The following TCF7L2 variants were observed in gnomAD, a reference collection of about 807,000 sequenced individuals.
TCF7L2 encodes the protein transcription factor 7 like 2, also known as transcription factor 7-like 2.
TCF7L2 carries 23 observed loss-of-function variants against 77.9 expected under a neutral mutation model. The observed-to-expected ratio is 0.30, with a 90% CI of 0.21 to 0.42. The LOEUF (loss-of-function observed/expected upper bound fraction) is 0.42. Among genes scored for constraint, TCF7L2 ranks in the 10% least tolerant of loss-of-function variants. The pLI, the probability that TCF7L2 is intolerant of heterozygous loss-of-function variation, is 1.00. For synonymous variants in TCF7L2, 413 were observed against 340.2 expected (o/e 1.21, Z -2.36); for missense variants, 654 against 793.1 (o/e 0.82, Z 2.11).
chr10:112,966,783 C>T (rs766249247), intron 4 of TCF7L2, among the ~76,000 whole-genome samples: 17 of 152,218 alleles, frequency 1.1e-4, no homozygotes, highest in Non-Finnish European at 2.1e-4. Flanking sequence ...GAAGCTCTTT[C>T]TCAGGAGGAA....
intron 3 of TCF7L2, 173 bp downstream of exon 3, chr10:112,951,780 T>C (rs899286574): frequency 9.6e-5 from 18 of 187,754 alleles, no homozygotes; most frequent in Non-Finnish European, 1.4e-4. Context: ...CTCCAAACTT[T>C]TCTGCCTTTT....
In TCF7L2 at chr10:113,141,297, C is replaced by T. The variant is rs771577364; in HGVS notation, c.666C>T (p.Ala222=). The T allele has an allele frequency of 5.3e-5, 86 of 1,614,138 alleles. No homozygotes were observed. The South Asian group carries it at 6.0e-4, about 11-fold the overall frequency. The change falls in exon 6 of 14, where the codon GCC becomes GCT. Residue 222 remains alanine, a synonymous_variant. Coordinates refer to ENST00000627217, the MANE Select transcript of TCF7L2 (RefSeq NM_001146274.2). ...GAAACCCACCTCCACACTTACCAGC[C>T]GACGTAGACCCCAAAACAGGTAGGC... is the stretch of plus-strand genomic sequence containing the variant.
Position 113,118,643 on chromosome 10 carries a change from GT to G in TCF7L2, c.553-22531del, listed in dbSNP as rs942514123. Among the ~76,000 whole-genome samples, 36 of 87,474 alleles carry G rather than the reference GT, an allele frequency of 4.1e-4. 1 individual carries two copies. The highest frequency in any genetic ancestry group is 4.0e-4 in the African/African-American group (8 of 20,210). The allele number at this position is 87,474 out of a possible 152,430, so 57.4% of individuals were successfully genotyped here. A position where few individuals can be genotyped will look rare whatever the true frequency, so the allele number is the denominator to read the frequency against. ...GGAGAGGCTGCAATCTGTTGGGGAA[GT>G]TTTTTTTTTGTTTTTTTTTGTTTTT... On this transcript the variant is annotated intron_variant, in intron 5 of 13. Transcript: ENST00000627217.
At chr10:113,154,033 C>T (rs1045347871) in intron 11 of TCF7L2, among the ~76,000 whole-genome samples, 7 of 152,216 alleles carry the variant, frequency 4.6e-5, no homozygotes, top group African/African-American at 1.4e-4. Context: ...AGTGCTGGCA[C>T]CTCTGGGATG....
intron 5 of TCF7L2, among the ~76,000 whole-genome samples, chr10:113,044,010 G>T (rs929231326): frequency 1.4e-4 from 22 of 152,144 alleles, no homozygotes; most frequent in African/African-American, 4.8e-4. Context: ...AACGGCAAAA[G>T]ACTTCAAAAG....
At chr10:113,092,284 A>C (rs1420958298) in intron 5 of TCF7L2, among the ~76,000 whole-genome samples, 1 of 152,190 alleles carries the variant, frequency 6.6e-6, no homozygotes, top group Non-Finnish European at 1.5e-5. Context: ...TAAACTGTGA[A>C]TAGGTGAGGT....
At chr10:113,049,931 G>A (rs968599716) in intron 5 of TCF7L2, among the ~76,000 whole-genome samples, 1 of 152,142 alleles carries the variant, frequency 6.6e-6, no homozygotes, top group Non-Finnish European at 1.5e-5. Flanking sequence ...ATCAGACCCT[G>A]GCTCATCCAG....
At chr10:112,994,211 G>A (rs1335567048) in intron 4 of TCF7L2, among the ~76,000 whole-genome samples, 1 of 152,084 alleles carries the variant, frequency 6.6e-6, no homozygotes, top group African/African-American at 2.4e-5. Flanking sequence ...TCACCCCCGA[G>A]GAGAAACCTC....
intron 13 of TCF7L2, 31 bp from the exon 15 acceptor site, chr10:113,165,524 A>G: frequency 6.2e-7 from 1 of 1,607,198 alleles, no homozygotes; most frequent in Non-Finnish European, 8.5e-7. Flanking sequence ...TGTGCCCTCT[A>G]TTCACAGATA....
intron 4 of TCF7L2, among the ~76,000 whole-genome samples, chr10:113,031,261 T>C (rs2050160331): frequency 6.6e-6 from 1 of 152,210 alleles, no homozygotes. Context: ...AAAGAGCCTT[T>C]GAGGAAGTAA....
intron 5 of TCF7L2, among the ~76,000 whole-genome samples, chr10:113,123,053 C>T (rs2065041804): frequency 1.3e-5 from 2 of 152,170 alleles, no homozygotes; most frequent in South Asian, 2.1e-4. Flanking sequence ...CTCAGTAGAT[C>T]GGAGTTAGGA....
At chr10:113,047,157 G>T (rs1389166374) in intron 5 of TCF7L2, among the ~76,000 whole-genome samples, 2 of 151,792 alleles carry the variant, frequency 1.3e-5, no homozygotes, top group Non-Finnish European at 2.9e-5. Context: ...TTGTCCCCTC[G>T]CCCCCTCCCC....
chr10:113,053,122 T>G (rs1024935133), intron 5 of TCF7L2, among the ~76,000 whole-genome samples: 20 of 152,006 alleles, frequency 1.3e-4, no homozygotes, highest in Admixed American at 8.5e-4. Flanking sequence ...ATTTGAAAAA[T>G]GTAACCCATT....
chr10:112,969,016 T>C lies in TCF7L2; in HGVS notation c.450+4392T>C, dbSNP rs2037643923. On this transcript the variant is annotated intron_variant, in intron 4 of 13. Coordinates refer to ENST00000627217, the MANE Select transcript of TCF7L2 (RefSeq NM_001146274.2). ...AGGAATATATATATATTCCTTGTTG[T>C]GTCTCAGTAAAACTTTATTTAGAAA... 3.9e-5 allele frequency among the ~76,000 whole-genome samples: 6 copies of C among 152,264 alleles called. No homozygotes were observed. The South Asian group carries it at 1.2e-3, about 32-fold the overall frequency.
chr10:113,042,710 A>G (rs1200619517), intron 5 of TCF7L2, among the ~76,000 whole-genome samples: 1 of 152,188 alleles, frequency 6.6e-6, no homozygotes, highest in Non-Finnish European at 1.5e-5. Flanking sequence ...GGTCACCTAT[A>G]GTTTTTGGGA....
chr10:113,033,900 T>C (rs2050681820), intron 4 of TCF7L2, among the ~76,000 whole-genome samples: 1 of 152,246 alleles, frequency 6.6e-6, no homozygotes, highest in Non-Finnish European at 1.5e-5. Context: ...AGAGTTTCAG[T>C]GTTAGGTATA....
chr10:112,992,055 T>C (rs2135477340), intron 4 of TCF7L2, among the ~76,000 whole-genome samples: 1 of 152,316 alleles, frequency 6.6e-6, no homozygotes, highest in Non-Finnish European at 1.5e-5. Flanking sequence ...AAAGCATGTC[T>C]GAACAAGAGC....
intron 5 of TCF7L2, among the ~76,000 whole-genome samples, chr10:113,080,066 C>CCA (rs1168910834): frequency 6.6e-6 from 1 of 151,674 alleles, no homozygotes; most frequent in African/African-American, 2.4e-5. Context: ...CACAGACACA[C>CCA]CACACACACA....
intron 5 of TCF7L2, among the ~76,000 whole-genome samples, chr10:113,052,867 C>G (rs551630279): frequency 6.6e-6 from 1 of 152,302 alleles, no homozygotes; most frequent in South Asian, 2.1e-4. Context: ...TTGCATGATA[C>G]AAAAATCAAG....
Sources: allele counts gnomAD v4.1 joint callset (sites outside exome capture counted in the v4.1 genomes callset), GRCh38; gene constraint gnomAD v4.1.1; transcripts MANE v1.5; gene names NCBI Gene and HGNC (gene_info 2026-07-23, HGNC 2026-07-21).